Variants in ANO2 observed in about 807,000 individuals in gnomAD.
ANO2 encodes anoctamin 2.
A neutral mutation model predicts 124.2 loss-of-function variants in ANO2; 101 were observed. That is an observed-to-expected ratio of 0.81 (90% CI 0.69 to 0.96). The LOEUF is 0.96. ANO2 is among the 40% of genes least tolerant of loss of function. ANO2 has a pLI of 0.00. For synonymous variants in ANO2, 486 were observed against 482.5 expected (o/e 1.01, Z -0.09); for missense variants, 1,293 against 1,274.5 (o/e 1.01, Z -0.22).
chr12:5,837,037 T>C (rs1479898703), intron 4 of ANO2, among the ~76,000 whole-genome samples: 1 of 152,220 alleles, frequency 6.6e-6, no homozygotes, highest in Non-Finnish European at 1.5e-5. Context: ...CAGCAGTTGC[T>C]GTCACTGGAG....
rs375390181 is a variant in ANO2, at chr12:5,769,647, C to T, written c.1056-18677G>A. ...TTCCTATCCGTGGGTGGTGGATGGA[C>T]CTCCATTAACAGCCACACCTCCCCA... On this transcript the variant is annotated intron_variant, in intron 10 of 24. Transcript: ENST00000682330. The surrounding 1 kb of genome is among the most constrained non-coding windows in gnomAD (Gnocchi z 4.0). 1.1e-4 allele frequency among the ~76,000 whole-genome samples: 16 copies of T among 152,260 alleles called. No homozygotes were observed. In the East Asian group the frequency reaches 1.5e-3, roughly 15 times the overall value.
At chr12:5,834,224 G>A (rs1030902357) in intron 4 of ANO2, among the ~76,000 whole-genome samples, 1 of 152,210 alleles carries the variant, frequency 6.6e-6, no homozygotes, top group Non-Finnish European at 1.5e-5. Context: ...AGGCTACTAA[G>A]TGTGGGCTAA....
At chr12:5,785,671 A>ACT (rs1952519641) in intron 10 of ANO2, among the ~76,000 whole-genome samples, 1 of 151,626 alleles carries the variant, frequency 6.6e-6, no homozygotes, top group Non-Finnish European at 1.5e-5. Context: ...ACACACACAC[A>ACT]CACACACATA....
At chr12:5,867,821 G>A (rs1272342864) in intron 3 of ANO2, among the ~76,000 whole-genome samples, 5 of 142,610 alleles carry the variant, frequency 3.5e-5, no homozygotes, top group South Asian at 2.2e-4. Flanking sequence ...TGATTACTTC[G>A]TGAGCTTCCA....
At chr12:5,761,611 T>C (rs936408734) in intron 10 of ANO2, among the ~76,000 whole-genome samples, 1 of 152,224 alleles carries the variant, frequency 6.6e-6, no homozygotes, top group Non-Finnish European at 1.5e-5. Context: ...TGTTCACATA[T>C]GTTTATCCAT....
rs115594429 is a variant in ANO2, at chr12:5,910,182, C to G, written c.534+10858G>C. 7.6e-3 allele frequency among the ~76,000 whole-genome samples: 1,154 copies of G among 152,054 alleles called. 14 individuals are homozygous for G. Among genetic ancestry groups the G allele is most frequent in the African/African-American group, 0.026 (1,090 of 41,480 alleles). On this transcript the variant is annotated intron_variant, in intron 3 of 24. Transcript: ENST00000682330. The stretch of plus-strand genomic sequence containing the variant: ...TATGATACAAATCTATGTGTTTGTT[C>G]TTGTTGTTTTGTTTTTTGAGACAGT...
chr12:5,750,141 C>G (rs74550251), intron 11 of ANO2, among the ~76,000 whole-genome samples: 2,943 of 152,022 alleles, frequency 0.019, 91 homozygotes, highest in Admixed American at 0.072. Flanking sequence ...CACTGTGTTG[C>G]CCAGGCTGGT....
intron 23 of ANO2, among the ~76,000 whole-genome samples, chr12:5,571,593 C>A (rs954399004): frequency 9.9e-5 from 15 of 152,186 alleles, no homozygotes; most frequent in African/African-American, 3.4e-4. Context: ...TTGTTTCCCA[C>A]CACGGAAGCA....
intron 15 of ANO2, among the ~76,000 whole-genome samples, chr12:5,640,665 C>T (rs1946310620): frequency 1.3e-5 from 2 of 152,180 alleles, no homozygotes; most frequent in South Asian, 4.1e-4. Flanking sequence ...CAAATCAAAA[C>T]CACAATGAGA....
At chr12:5,766,282 C>T (rs1418706762) in intron 10 of ANO2, among the ~76,000 whole-genome samples, 1 of 152,098 alleles carries the variant, frequency 6.6e-6, no homozygotes, top group East Asian at 1.9e-4. Flanking sequence ...TTATAACAGC[C>T]TCAACTGGAA....
chr12:5,603,217 A>G (rs1944027425), intron 19 of ANO2, among the ~76,000 whole-genome samples: 1 of 151,700 alleles, frequency 6.6e-6, no homozygotes, highest in Admixed American at 6.6e-5. Context: ...CATCTCCAGG[A>G]AAAAAAAATG....
intron 3 of ANO2, among the ~76,000 whole-genome samples, chr12:5,873,552 G>A (rs1315691126): frequency 6.6e-6 from 1 of 152,238 alleles, no homozygotes; most frequent in East Asian, 1.9e-4. Flanking sequence ...AGGAGAGCCT[G>A]CTTAAAGCCT....
At chr12:5,814,260 C>T (rs1390800231) in intron 7 of ANO2, among the ~76,000 whole-genome samples, 1 of 152,252 alleles carries the variant, frequency 6.6e-6, no homozygotes, top group African/African-American at 2.4e-5. Context: ...AACTCCCTGC[C>T]AATCCCTTTG....
intron 3 of ANO2, among the ~76,000 whole-genome samples, chr12:5,856,827 C>T (rs1322408609): frequency 1.3e-5 from 2 of 152,300 alleles, no homozygotes; most frequent in Non-Finnish European, 2.9e-5. Context: ...TCCATTGCAG[C>T]CTAATCTTAC....
intron 16 of ANO2, among the ~76,000 whole-genome samples, chr12:5,621,795 C>T (rs1490958508): frequency 6.8e-6 from 1 of 147,640 alleles, no homozygotes; most frequent in African/African-American, 2.5e-5. Flanking sequence ...CAGGCAGACA[C>T]CGTGGAAGGC....
At chr12:5,930,486 T>C (rs1382723027) in intron 1 of ANO2, among the ~76,000 whole-genome samples, 1 of 152,178 alleles carries the variant, frequency 6.6e-6, no homozygotes, top group East Asian at 1.9e-4. Context: ...AGACCCTGTA[T>C]GTCATATATG....
intron 3 of ANO2, among the ~76,000 whole-genome samples, chr12:5,899,736 T>A (rs1280284549): frequency 2.0e-5 from 3 of 152,210 alleles, no homozygotes. Context: ...TAGAACCATG[T>A]CATCTGCTGG....
intron 14 of ANO2, among the ~76,000 whole-genome samples, chr12:5,730,793 C>A (rs531881747): frequency 6.6e-6 from 1 of 152,302 alleles, no homozygotes; most frequent in East Asian, 1.9e-4. Context: ...AAATTCTAGA[C>A]CATTTTTATC....
intron 3 of ANO2, among the ~76,000 whole-genome samples, chr12:5,857,094 A>G (rs1209195435): frequency 1.3e-5 from 2 of 152,228 alleles, no homozygotes; most frequent in Non-Finnish European, 2.9e-5. Flanking sequence ...ACTCCTTGAA[A>G]GCTCCGGAGC....
Sources: allele counts gnomAD v4.1 joint callset (sites outside exome capture counted in the v4.1 genomes callset), GRCh38; gene constraint gnomAD v4.1.1; non-coding constraint Gnocchi (gnomAD v3.1); transcripts MANE v1.5; gene names NCBI Gene and HGNC (gene_info 2026-07-23, HGNC 2026-07-21).